The following DLG2 variants were observed in gnomAD, a reference collection of about 807,000 sequenced individuals.
DLG2 encodes discs large MAGUK scaffold protein 2.
A neutral mutation model predicts 132.5 loss-of-function variants in DLG2; 45 were observed. That is an observed-to-expected ratio of 0.34 (90% CI 0.27 to 0.44). The LOEUF (loss-of-function observed/expected upper bound fraction) is 0.44. Ranked by LOEUF, DLG2 falls within the 20% of genes least tolerant of loss-of-function variation. DLG2 has a pLI of 1.00. For synonymous variants in DLG2, 424 were observed against 419.6 expected (o/e 1.01, Z -0.13); for missense variants, 1,045 against 1,196.9 (o/e 0.87, Z 1.87).
At chr11:83,906,007 C>G (rs2074616873) in intron 15 of DLG2, among the ~76,000 whole-genome samples, 2 of 150,828 alleles carry the variant, frequency 1.3e-5, no homozygotes, top group Admixed American at 1.3e-4. Flanking sequence ...ATTCAAGTTT[C>G]CAGCTTGCTA....
intron 8 of DLG2, among the ~76,000 whole-genome samples, chr11:84,234,447 C>G (rs185659185): frequency 4.7e-4 from 71 of 152,280 alleles, no homozygotes; most frequent in African/African-American, 1.7e-3. Flanking sequence ...AACGAAAGTG[C>G]GTTGGTTCAG....
intron 7 of DLG2, among the ~76,000 whole-genome samples, chr11:84,330,152 T>C (rs1418305311): frequency 6.6e-6 from 1 of 152,226 alleles, no homozygotes; most frequent in Non-Finnish European, 1.5e-5. Flanking sequence ...TCTCCCTATT[T>C]CCATTGTAAT....
chr11:83,728,488 G>A (rs545029752), intron 18 of DLG2, among the ~76,000 whole-genome samples: 2 of 152,262 alleles, frequency 1.3e-5, no homozygotes, highest in South Asian at 2.1e-4. Flanking sequence ...AAACCTCACA[G>A]ACTGAGATAA....
At chr11:84,536,820 C>T (rs1299311112) in intron 6 of DLG2, among the ~76,000 whole-genome samples, 1 of 152,166 alleles carries the variant, frequency 6.6e-6, no homozygotes, top group East Asian at 1.9e-4. Context: ...CTTGAGTCCA[C>T]ACTCTCCTTA....
At chr11:84,150,349 A>G (rs2095254846) in intron 9 of DLG2, among the ~76,000 whole-genome samples, 1 of 152,002 alleles carries the variant, frequency 6.6e-6, no homozygotes, top group Non-Finnish European at 1.5e-5. Context: ...ATAGGATTGC[A>G]TTGTTATTTG....
intron 7 of DLG2, among the ~76,000 whole-genome samples, chr11:84,400,766 T>C (rs1290486334): frequency 1.3e-5 from 2 of 152,158 alleles, no homozygotes; most frequent in Non-Finnish European, 2.9e-5. Context: ...TAGACATTGC[T>C]TTTTTTGTAT....
intron 18 of DLG2, among the ~76,000 whole-genome samples, chr11:83,760,414 C>G (rs1410353826): frequency 6.6e-6 from 1 of 152,124 alleles, no homozygotes; most frequent in Non-Finnish European, 1.5e-5. Flanking sequence ...CATTTCTAGA[C>G]TTCCAGTTCA....
intron 3 of DLG2, among the ~76,000 whole-genome samples, chr11:85,417,635 C>G (rs887926811): frequency 6.6e-6 from 1 of 152,216 alleles, no homozygotes. Context: ...TGTTATTGGT[C>G]TATTCAGGGA....
At chr11:84,130,523 CATAT>C (rs67317051) in intron 9 of DLG2, among the ~76,000 whole-genome samples, 7,419 of 136,404 alleles carry the variant, frequency 0.054, 172 homozygotes, top group Middle Eastern at 0.083. Context: ...CACACACACA[CATAT>C]ATGTGTGTGT....
intron 7 of DLG2, among the ~76,000 whole-genome samples, chr11:84,459,435 T>C (rs956647040): frequency 6.6e-5 from 10 of 150,836 alleles, no homozygotes; most frequent in Non-Finnish European, 1.5e-5. Flanking sequence ...GTTAAAATAA[T>C]TTATTATTTG....
At chr11:84,480,347 C>G (rs1027655851) in intron 7 of DLG2, among the ~76,000 whole-genome samples, 1 of 152,050 alleles carries the variant, frequency 6.6e-6, no homozygotes, top group Non-Finnish European at 1.5e-5. Context: ...TAATCCCCCA[C>G]GTTTTAGGGA....
At chr11:85,241,950 T>C (rs575910554) in intron 4 of DLG2, among the ~76,000 whole-genome samples, 6 of 152,092 alleles carry the variant, frequency 3.9e-5, no homozygotes, top group East Asian at 1.9e-4. Context: ...TATAGGTTTG[T>C]TTACCATAAG....
intron 6 of DLG2, among the ~76,000 whole-genome samples, chr11:84,623,832 AT>A: frequency 6.6e-6 from 1 of 152,230 alleles, no homozygotes; most frequent in Middle Eastern, 3.4e-3. Flanking sequence ...CAATGAGAAT[AT>A]TTTTTCTCTT....
At chr11:84,402,890 A>AAAAAAAAAAAAAAAG (rs2098835472) in intron 7 of DLG2, among the ~76,000 whole-genome samples, 3 of 150,590 alleles carry the variant, frequency 2.0e-5, no homozygotes, top group African/African-American at 7.4e-5. Flanking sequence ...TCAAAAAAAA[A>AAAAAAAAAAAAAAAG]AAAAAAAAAA....
chr11:84,829,911 C>T (rs140569151), intron 6 of DLG2, among the ~76,000 whole-genome samples: 1 of 151,678 alleles, frequency 6.6e-6, no homozygotes, highest in East Asian at 2.0e-4. Context: ...AATGTACAAT[C>T]CTTTAATTTA....
intron 11 of DLG2, among the ~76,000 whole-genome samples, chr11:84,028,492 C>A (rs536212362): frequency 7.2e-5 from 11 of 152,128 alleles, no homozygotes; most frequent in Admixed American, 5.9e-4. Flanking sequence ...TTTTTTTGAA[C>A]ATGAGTGAGT....
At chr11:85,516,909 C>T (rs1020653354) in intron 3 of DLG2, among the ~76,000 whole-genome samples, 1 of 151,906 alleles carries the variant, frequency 6.6e-6, no homozygotes, top group African/African-American at 2.4e-5. Context: ...GGAAATCCTC[C>T]CTAACTCATC....
intron 3 of DLG2, among the ~76,000 whole-genome samples, chr11:85,390,245 GA>G (rs985449919): frequency 2.0e-5 from 3 of 148,662 alleles, no homozygotes; most frequent in East Asian, 3.9e-4. Context: ...AACAGCAGTT[GA>G]AAAAAAAAGG....
intron 6 of DLG2, among the ~76,000 whole-genome samples, chr11:84,789,257 G>A (rs957857999): frequency 5.9e-5 from 9 of 152,240 alleles, no homozygotes; most frequent in African/African-American, 2.2e-4. Context: ...CCAATCTGCA[G>A]TCTTTCTCAT....
Sources: gnomAD v4.1 joint callset for allele counts (sites outside exome capture counted in the v4.1 genomes callset) on GRCh38, gnomAD v4.1.1 for gene constraint, MANE v1.5 for transcripts, NCBI Gene and HGNC (gene_info 2026-07-23, HGNC 2026-07-21) for gene names.